KCNMB4: variants seen among roughly 807,000 people sequenced by gnomAD.
KCNMB4 encodes calcium-activated potassium channel subunit beta-4.
A neutral mutation model predicts 20.7 loss-of-function variants in KCNMB4; 3 were observed. That is an observed-to-expected ratio of 0.14 (90% confidence interval 0.07 to 0.37). KCNMB4 has a LOEUF of 0.37. KCNMB4 is among the 10% of genes least tolerant of loss of function. The pLI is 1.00. For missense variants in KCNMB4, 168 were observed against 265.9 expected, an observed-to-expected ratio of 0.63 and a Z score of 2.56; for synonymous variants, 110 against 113.4, an observed-to-expected ratio of 0.97 and a Z score of 0.19.
chr12:70,424,551 A>C (rs1366096017), intron 2 of KCNMB4, among the ~76,000 whole-genome samples: 4 of 152,074 alleles, frequency 2.6e-5, no homozygotes. Flanking sequence ...GGAGTTTGAG[A>C]CCAGCCTGGC....
intron 1 of KCNMB4, among the ~76,000 whole-genome samples, chr12:70,393,233 C>G (rs776826835): frequency 2.0e-5 from 3 of 152,062 alleles, no homozygotes. Context: ...GAAAGAGTCT[C>G]ACTCTGTCGC....
At chr12:70,370,394 G>A (rs1021272940) in intron 1 of KCNMB4, among the ~76,000 whole-genome samples, 3 of 150,736 alleles carry the variant, frequency 2.0e-5, no homozygotes, top group East Asian at 2.0e-4. Flanking sequence ...TGCAAGCTCC[G>A]CCTCCCTGGT....
At chr12:70,386,597 GTT>G (rs1256647116) in intron 1 of KCNMB4, among the ~76,000 whole-genome samples, 3 of 119,688 alleles carry the variant, frequency 2.5e-5, no homozygotes, top group African/African-American at 4.3e-5. Flanking sequence ...TTTGTTTGTT[GTT>G]TTTTTTTTTT....
At chr12:70,386,761 G>T (rs563565919) in intron 1 of KCNMB4, among the ~76,000 whole-genome samples, 1 of 152,016 alleles carries the variant, frequency 6.6e-6, no homozygotes, top group Non-Finnish European at 1.5e-5. Flanking sequence ...TTGCTCTTTT[G>T]TTTGTAATTG....
intron 2 of KCNMB4, among the ~76,000 whole-genome samples, chr12:70,405,990 T>C (rs1169561948): frequency 2.0e-5 from 3 of 152,168 alleles, no homozygotes; most frequent in Admixed American, 6.5e-5. Context: ...TGGATGAACC[T>C]GGAGGACATT....
chr12:70,369,534 AG>A (rs1883554762), intron 1 of KCNMB4, among the ~76,000 whole-genome samples: 1 of 152,196 alleles, frequency 6.6e-6, no homozygotes, highest in African/African-American at 2.4e-5. Context: ...CTTGAATCCC[AG>A]CCGCCTCCAG....
chr12:70,426,170 T>A (rs11178235), intron 2 of KCNMB4, among the ~76,000 whole-genome samples: 18,827 of 151,856 alleles, frequency 0.12, 1,254 homozygotes, highest in African/African-American at 0.15. Flanking sequence ...GGCAGGCGCC[T>A]GTAGTCCCAG....
chr12:70,407,593 G>A lies in KCNMB4; in HGVS notation c.464+7257G>A, dbSNP rs570366030. 4.7e-4 allele frequency among the ~76,000 whole-genome samples: 67 copies of A among 141,752 alleles called. No individual in the cohort carries two copies. In the South Asian group the frequency reaches 8.3e-3, roughly 18 times the overall value. 93.0% of individuals were successfully genotyped at this position (141,752 alleles called of 152,430 possible). ...CACCATTCTCCTGCCTCAGCCTCCC[G>A]AGTAGCTGGGACTACAGGCGCCCGC... On this transcript the variant is annotated intron_variant, in intron 2 of 2. Transcript: ENST00000258111.
intron 1 of KCNMB4, among the ~76,000 whole-genome samples, chr12:70,373,861 C>G (rs1479492538): frequency 6.6e-6 from 1 of 152,156 alleles, no homozygotes; most frequent in Non-Finnish European, 1.5e-5. Flanking sequence ...TGGTGCACAC[C>G]TGTAGTCCCA....
At chr12:70,381,386 C>A (rs573318639) in intron 1 of KCNMB4, among the ~76,000 whole-genome samples, 1 of 152,182 alleles carries the variant, frequency 6.6e-6, no homozygotes, top group Admixed American at 6.5e-5. Flanking sequence ...AATTATATAT[C>A]CAAGAGAAAC....
intron 2 of KCNMB4, among the ~76,000 whole-genome samples, chr12:70,421,421 G>A (rs1439774822): frequency 7.2e-6 from 1 of 138,666 alleles, no homozygotes; most frequent in African/African-American, 2.7e-5. Flanking sequence ...GAGCCCAGGA[G>A]GTTAAGCACT....
At chr12:70,391,583 G>A (rs710657) in intron 1 of KCNMB4, among the ~76,000 whole-genome samples, 4,172 of 152,274 alleles carry the variant, frequency 0.027, 196 homozygotes, top group African/African-American at 0.094. Flanking sequence ...TAGGATTACA[G>A]GTGTGAGCCA....
chr12:70,423,194 C>T (rs1167616795), intron 2 of KCNMB4, among the ~76,000 whole-genome samples: 2 of 152,110 alleles, frequency 1.3e-5, no homozygotes, highest in Non-Finnish European at 2.9e-5. Context: ...TTCTGGATAT[C>T]CTGCCAAAAC....
chr12:70,406,219 A>G (rs912205784), intron 2 of KCNMB4, among the ~76,000 whole-genome samples: 5 of 152,166 alleles, frequency 3.3e-5, no homozygotes, highest in Non-Finnish European at 5.9e-5. Context: ...ACAAGTCAAC[A>G]CTTGTGTACA....
chr12:70,369,003 A>AT (rs779975146), intron 1 of KCNMB4, among the ~76,000 whole-genome samples: 14 of 151,834 alleles, frequency 9.2e-5, no homozygotes, highest in Non-Finnish European at 2.1e-4. Flanking sequence ...GAAAATAATC[A>AT]TTTTTTTTCC....
At chr12:70,413,047 G>C (rs1419451907) in intron 2 of KCNMB4, among the ~76,000 whole-genome samples, 3 of 152,138 alleles carry the variant, frequency 2.0e-5, no homozygotes, top group Admixed American at 6.5e-5. Context: ...TCCATATTAA[G>C]AGAGATTACA....
chr12:70,379,940 T>A (rs777344307), intron 1 of KCNMB4, among the ~76,000 whole-genome samples: 5 of 152,230 alleles, frequency 3.3e-5, no homozygotes, highest in Admixed American at 6.5e-5. Flanking sequence ...TTCACTTTCT[T>A]ATCATTCGTG....
rs190510882 is a variant in KCNMB4, at chr12:70,391,336, T to A, written c.337-8873T>A. Among the ~76,000 whole-genome samples the A allele has an allele frequency of 4.2e-4, 64 of 152,118 alleles. 1 individual carries two copies. Among genetic ancestry groups the A allele is most frequent in the Non-Finnish European group, 7.4e-4 (50 of 68,024 alleles). On this transcript the variant is annotated intron_variant, in intron 1 of 2. Coordinates refer to ENST00000258111, the MANE Select transcript of KCNMB4 (RefSeq NM_014505.6). ...TTTTTTTTTAGAGAAAGGGTCTTGC[T>A]CTGTCACCCAGGCTGGAGTGCAGTG...
chr12:70,423,695 C>G (rs1869131504), intron 2 of KCNMB4, among the ~76,000 whole-genome samples: 1 of 152,048 alleles, frequency 6.6e-6, no homozygotes, highest in South Asian at 2.1e-4. Flanking sequence ...CCAGGCTGGT[C>G]TTGGTCTGGG....
Sources: gnomAD v4.1 joint callset for allele counts (sites outside exome capture counted in the v4.1 genomes callset) on GRCh38, gnomAD v4.1.1 for gene constraint, MANE v1.5 for transcripts, NCBI Gene and HGNC (gene_info 2026-07-23, HGNC 2026-07-21) for gene names.